GALNT14: variants seen among roughly 807,000 people sequenced by gnomAD.
GALNT14 encodes the protein polypeptide N-acetylgalactosaminyltransferase 14, also known as UDP-GalNAc:polypeptide N-acetylgalactosaminyltransferase 14.
Under a neutral mutation model 77.5 loss-of-function variants are expected in GALNT14, and 60 were observed. The ratio of observed to expected loss-of-function variants is 0.77; its 90% CI spans 0.63 to 0.96. The LOEUF (loss-of-function observed/expected upper bound fraction) is 0.96. GALNT14 is among the 40% of genes least tolerant of loss of function. The pLI is 0.00. For synonymous variants in GALNT14, 280 were observed against 281.7 expected (o/e 0.99, Z 0.06); for missense variants, 710 against 731.0 (o/e 0.97, Z 0.33).
intron 1 of GALNT14, among the ~76,000 whole-genome samples, chr2:31,125,819 G>T (rs1372482903): frequency 6.6e-6 from 1 of 152,128 alleles, no homozygotes; most frequent in African/African-American, 2.4e-5. Flanking sequence ...AAATAATGTG[G>T]TGTTATGCTA....
intron 1 of GALNT14, among the ~76,000 whole-genome samples, chr2:31,095,378 G>A (rs1033127248): frequency 6.6e-6 from 1 of 152,066 alleles, no homozygotes; most frequent in African/African-American, 2.4e-5. Context: ...TCTGTATTAA[G>A]CCACTTTTTT....
At chr2:31,032,788 G>A (rs1672497530) in intron 1 of GALNT14, among the ~76,000 whole-genome samples, 1 of 152,186 alleles carries the variant, frequency 6.6e-6, no homozygotes, top group Non-Finnish European at 1.5e-5. Flanking sequence ...GTGAAGAGTA[G>A]AAGATGTGAT....
intron 6 of GALNT14, among the ~76,000 whole-genome samples, chr2:30,950,204 G>C (rs1666944895): frequency 6.6e-6 from 1 of 151,998 alleles, no homozygotes; most frequent in African/African-American, 2.4e-5. Flanking sequence ...GCAGAGATTG[G>C]AGTTTCTTAA....
At chr2:31,103,503 A>ACACG (rs1293967737) in intron 1 of GALNT14, among the ~76,000 whole-genome samples, 2 of 151,966 alleles carry the variant, frequency 1.3e-5, no homozygotes, top group Admixed American at 1.3e-4. Context: ...ACACACACAC[A>ACACG]CACACATTAC....
At chr2:31,032,391 G>A (rs892719466) in intron 1 of GALNT14, among the ~76,000 whole-genome samples, 6 of 152,230 alleles carry the variant, frequency 3.9e-5, no homozygotes, top group African/African-American at 1.4e-4. Flanking sequence ...GAGTGGCCAC[G>A]AGGGCTGCAG....
chr2:31,102,391 C>A (rs1307694252), intron 1 of GALNT14, among the ~76,000 whole-genome samples: 1 of 152,000 alleles, frequency 6.6e-6, no homozygotes. Context: ...TTCAGTTTTT[C>A]TTTTCCTCTT....
At chr2:31,014,784 T>C (rs570859265) in intron 1 of GALNT14, among the ~76,000 whole-genome samples, 1 of 152,316 alleles carries the variant, frequency 6.6e-6, no homozygotes, top group Admixed American at 6.5e-5. Flanking sequence ...GTTTACCATG[T>C]ATATAGAGTG....
intron 9 of GALNT14, among the ~76,000 whole-genome samples, chr2:30,940,057 A>G (rs748774442): frequency 6.6e-6 from 1 of 152,026 alleles, no homozygotes; most frequent in Non-Finnish European, 1.5e-5. Flanking sequence ...TGGCTATAAC[A>G]TAATGGAATG....
intron 1 of GALNT14, among the ~76,000 whole-genome samples, chr2:31,072,276 CACACATACACACACACACACACACACAT>C (rs1376446014): frequency 1.3e-4 from 7 of 53,244 alleles, no homozygotes; most frequent in African/African-American, 4.7e-4. Flanking sequence ...CACACACACA[CACACATACACACACACACACACACACAT>C]ACACACACAC....
At chr2:31,067,902 C>T (rs1675083714) in intron 1 of GALNT14, among the ~76,000 whole-genome samples, 1 of 152,188 alleles carries the variant, frequency 6.6e-6, no homozygotes, top group Non-Finnish European at 1.5e-5. Context: ...CTGTGACCTA[C>T]AGTCTTGGGG....
chr2:31,101,638 ACT>A (rs1464266648), intron 1 of GALNT14, among the ~76,000 whole-genome samples: 1 of 152,080 alleles, frequency 6.6e-6, no homozygotes, highest in Admixed American at 6.5e-5. Context: ...TGTTTATGCC[ACT>A]GTTCTCCACA....
chr2:30,897,189 C>G, the GALNT14 span, among the ~76,000 whole-genome samples: 1 of 152,280 alleles, frequency 6.6e-6, no homozygotes, highest in African/African-American at 2.4e-5. Context: ...AAAGGCCTGC[C>G]CTTTCTTGTT....
chr2:31,036,011 G>A (rs1672717881), intron 1 of GALNT14, among the ~76,000 whole-genome samples: 1 of 152,070 alleles, frequency 6.6e-6, no homozygotes, highest in Admixed American at 6.5e-5. Context: ...GAACTTAGAA[G>A]TTAAATTAAA....
chr2:31,019,945 A>G (rs1387556690), intron 1 of GALNT14, among the ~76,000 whole-genome samples: 3 of 152,246 alleles, frequency 2.0e-5, no homozygotes, highest in Admixed American at 6.5e-5. Flanking sequence ...GCACTTGAGT[A>G]AGGGGCGAGC....
intron 9 of GALNT14, among the ~76,000 whole-genome samples, chr2:30,933,863 C>T (rs905493942): frequency 7.2e-5 from 11 of 152,272 alleles, no homozygotes; most frequent in Admixed American, 3.9e-4. Flanking sequence ...ACTGGAATGC[C>T]GTCAGCATCA....
intron 1 of GALNT14, 27 bp from the exon 2 acceptor site, chr2:30,993,034 G>A: frequency 3.7e-6 from 6 of 1,610,774 alleles, no homozygotes; most frequent in Non-Finnish European, 5.1e-6. Flanking sequence ...GGAAGTCTGT[G>A]AGAACGGCTC....
chr2:31,138,389 C>CG lies in GALNT14; in HGVS notation c.-304dup, dbSNP rs1679327623. The CG allele has an allele frequency of 2.6e-6, 1 of 378,620 alleles. No individual in the cohort carries two copies. Among genetic ancestry groups the CG allele is most frequent in the African/African-American group, 2.2e-5 (1 of 45,380 alleles). 23.5% of individuals were successfully genotyped at this position (378,620 alleles called of 1,614,324 possible). The stretch of plus-strand genomic sequence containing the variant: ...CGAGATGTTCCCCACGCCGCCACCG[C>CG]GGCTGCCGCCGCCGCCGCCGCCGCC... On this transcript the variant is annotated 5_prime_UTR_variant, in exon 1 of 15. Coordinates refer to ENST00000349752, the MANE Select transcript of GALNT14 (RefSeq NM_024572.4).
At chr2:31,045,868 T>C (rs1673419793) in intron 1 of GALNT14, among the ~76,000 whole-genome samples, 1 of 152,170 alleles carries the variant, frequency 6.6e-6, no homozygotes, top group African/African-American at 2.4e-5. Context: ...GAAACCTCTG[T>C]GGTCATCTCT....
chr2:30,960,709 C>T (rs1321504344), intron 3 of GALNT14, among the ~76,000 whole-genome samples: 1 of 152,020 alleles, frequency 6.6e-6, no homozygotes, highest in South Asian at 2.1e-4. Context: ...AGGTGGTCCT[C>T]CAGGGCCCTC....
Sources: gnomAD v4.1 joint callset for allele counts (sites outside exome capture counted in the v4.1 genomes callset) on GRCh38, gnomAD v4.1.1 for gene constraint, MANE v1.5 for transcripts, NCBI Gene and HGNC (gene_info 2026-07-23, HGNC 2026-07-21) for gene names.